Variants in TLE5 observed in about 807,000 individuals in gnomAD.
The protein encoded by TLE5 is TLE family member 5, transcriptional modulator.
Under a neutral mutation model 25.8 loss-of-function variants are expected in TLE5, and 7 were observed. The observed-to-expected ratio is 0.27, with a 90% CI of 0.15 to 0.51. The LOEUF (loss-of-function observed/expected upper bound fraction) is 0.51. Among genes scored for constraint, TLE5 ranks in the 20% least tolerant of loss-of-function variants. The probability of loss-of-function intolerance (pLI) is 0.97; values close to 1 mark genes in which losing one functional copy is unlikely to be tolerated. For synonymous variants in TLE5, 132 were observed against 110.5 expected (o/e 1.20, Z -1.22); for missense variants, 149 against 250.7 (o/e 0.59, Z 2.74).
At chr19:3,061,290 G>A (rs998687012) in intron 1 of TLE5, 33 bp from the exon 2 acceptor site, 2 of 1,549,720 alleles carry the variant, frequency 1.3e-6, no homozygotes, top group Non-Finnish European at 1.8e-6. Flanking sequence ...GTCAGGCCCA[G>A]GCGTGGGCTG....
intron 4 of TLE5, 54 bp downstream of exon 4, chr19:3,056,258 G>C: frequency 7.7e-7 from 1 of 1,302,162 alleles, no homozygotes; most frequent in South Asian, 1.4e-5. Context: ...GCTGGAGGTG[G>C]GGGGAGGAGG....
intron 6 of TLE5, 22 bp downstream of exon 6, chr19:3,054,098 C>CCCCCCCCG: frequency 6.7e-7 from 1 of 1,493,968 alleles, no homozygotes; most frequent in Non-Finnish European, 9.1e-7. Context: ...CCCCGCCCAC[C>CCCCCCCCG]CGCCCAGGTC....
At chr19:3,057,588 G>C in intron 3 of TLE5, 91 bp downstream of exon 3, 1 of 1,288,260 alleles carries the variant, frequency 7.8e-7, no homozygotes, top group Non-Finnish European at 1.1e-6. Context: ...GAGGTGGCCG[G>C]GGTTGAGGGA....
chr19:3,062,950 C>T, upstream of TLE5: 1 of 821,072 alleles, frequency 1.2e-6, no homozygotes, highest in South Asian at 1.6e-5. Flanking sequence ...TACTGTGTGC[C>T]AGGCCCCGCT....
chr19:3,054,128 T>TA lies in TLE5; in HGVS notation c.363dup (p.Ile122TyrfsTer65). The TA allele has an allele frequency of 6.8e-7, 1 of 1,468,342 alleles. No homozygotes were observed. Among genetic ancestry groups the TA allele is most frequent in the Non-Finnish European group, 9.2e-7 (1 of 1,087,006 alleles). 91.0% of individuals were successfully genotyped at this position (1,468,342 alleles called of 1,614,324 possible). ...CAGGTCCCCATACATACTCGGATGA[T>TA]AGAGTTCAGCTCGGGAGCGGTGACC... On this transcript the variant is annotated frameshift_variant, in exon 6 of 7. Coordinates refer to ENST00000327141, the MANE Select transcript of TLE5 (RefSeq NM_001130.6). LOFTEE classifies it low-confidence loss of function (END_TRUNC).
At chr19:3,061,884 G>GT (rs1205662503) in intron 1 of TLE5, among the ~76,000 whole-genome samples, 2 of 33,392 alleles carry the variant, frequency 6.0e-5, no homozygotes, top group African/African-American at 1.9e-4. Flanking sequence ...GTCCCGGCGG[G>GT]TTGGGGGGGG....
Position 3,062,486 on chromosome 19 carries a change from C to T in TLE5, c.-286G>A. On this transcript the variant is annotated 5_prime_UTR_variant, in exon 1 of 7. Transcript: ENST00000327141. Reference sequence around the variant, plus strand: ...CACCGCTATTGTCTAATGGCGGCGACGCCGGCAGTGGCCGCGGCTCGGCTG... The same window carrying T: ...CACCGCTATTGTCTAATGGCGGCGATGCCGGCAGTGGCCGCGGCTCGGCTG... 1 of 630,210 alleles carries T rather than the reference C, an allele frequency of 1.6e-6. No homozygotes were observed. Among genetic ancestry groups the T allele is most frequent in the Non-Finnish European group, 2.0e-6 (1 of 508,394 alleles). 39.0% of individuals were successfully genotyped at this position (630,210 alleles called of 1,614,324 possible). A position where few individuals can be genotyped will look rare whatever the true frequency, so the allele number is the denominator to read the frequency against.
At position 3,061,725 on chromosome 19, in the gene TLE5, C is replaced by T. The variant is rs534867117; in HGVS notation, c.27+449G>A. Among the ~76,000 whole-genome samples, 16 of 151,252 alleles carry T rather than the reference C, an allele frequency of 1.1e-4. No homozygotes were observed. In the East Asian group the frequency reaches 3.2e-3, roughly 30 times the overall value. On this transcript the variant is annotated intron_variant, in intron 1 of 6. Coordinates refer to ENST00000327141, the MANE Select transcript of TLE5 (RefSeq NM_001130.6). ...GGGCCCAACCCCAGATTCCCAGCGC[C>T]CTTCCTCGGGGACACGCTCTTCCGG...
Position 3,057,706 on chromosome 19 carries a change from C to T in TLE5, c.162G>A (p.Lys54=), listed in dbSNP as rs1312988035. ...KLECDKLASE[K]SEMQRHYVMY... The stretch of plus-strand genomic sequence containing the variant: ...TCACATAGTGACGCTGCATCTCTGA[C>T]TTCTCACTGGCCAACTTGTCACATT... The change falls in exon 3 of 7, where the codon AAG becomes AAA. Residue 54 remains lysine (K), a synonymous_variant. Coordinates refer to ENST00000327141, the MANE Select transcript of TLE5 (RefSeq NM_001130.6). The T allele has an allele frequency of 1.2e-6, 2 of 1,613,576 alleles. No homozygotes were observed.
At position 3,055,845 on chromosome 19, in the gene TLE5, A is replaced by G. The variant is rs369522981; in HGVS notation, c.235-119T>C. ...CCACTTGCGGCTTCTAAGAGGGGCT[A>G]GGTCTGGCCAGGGTGGGATGAGCAA... is the stretch of plus-strand genomic sequence containing the variant. On this transcript the variant is annotated intron_variant, in intron 4 of 6. Transcript: ENST00000327141. The G allele has an allele frequency of 9.0e-5, 101 of 1,124,546 alleles. No homozygotes were observed. The Middle Eastern group carries it at 1.1e-3, about 12-fold the overall frequency. The allele number at this position is 1,124,546 out of a possible 1,614,324, so 69.7% of individuals were successfully genotyped here.
chr19:3,062,341 G>T lies in TLE5; in HGVS notation c.-141C>A. ...GCCGCCGCCTCCCGCGCCCGGCCTC[G>T]CCCGCTTCCTGCGCCCCCTCCCCGC... On this transcript the variant is annotated 5_prime_UTR_variant, in exon 1 of 7. Transcript: ENST00000327141. 1 of 975,390 alleles carries T rather than the reference G, an allele frequency of 1.0e-6. No homozygotes were observed. The highest frequency in any genetic ancestry group is 1.2e-6 in the Non-Finnish European group (1 of 825,416). The allele number at this position is 975,390 out of a possible 1,614,324, so 60.4% of individuals were successfully genotyped here.
intron 3 of TLE5, 134 bp downstream of exon 3, chr19:3,057,545 G>A: frequency 1.2e-6 from 1 of 834,776 alleles, no homozygotes; most frequent in East Asian, 2.6e-5. Context: ...CGGCTGAATG[G>A]AGAACAGGCC....
chr19:3,054,470 G>A (rs1053291976), intron 5 of TLE5: 1 of 555,954 alleles, frequency 1.8e-6, no homozygotes, highest in Non-Finnish European at 3.2e-6. Context: ...AACAGCTTTT[G>A]AGTGAGCCCG....
chr19:3,062,624 G>A, upstream of TLE5: 1 of 1,153,916 alleles, frequency 8.7e-7, no homozygotes, highest in Non-Finnish European at 1.1e-6. Flanking sequence ...CCGCCTCCCC[G>A]TGGCCCGCCC....
Position 3,056,362 on chromosome 19 carries a change from TGGGGGAGAGAGA to T in TLE5, c.190-18_190-7del. ...CCGTAGGACATCTCGTAGTACTGTA[TGGGGGAGAGAGA>T]GGGGGAGCGGGAGATGGGGGTGGGG... On this transcript the variant is annotated splice_region_variant and splice_polypyrimidine_tract_variant and intron_variant, in intron 3 of 6. Coordinates refer to ENST00000327141, the MANE Select transcript of TLE5 (RefSeq NM_001130.6). 9.9e-7 allele frequency: 1 copy of T among 1,013,496 alleles called. No homozygotes were observed. Among genetic ancestry groups the T allele is most frequent in the Non-Finnish European group, 1.3e-6 (1 of 774,804 alleles). The allele number at this position is 1,013,496 out of a possible 1,614,324, so 62.8% of individuals were successfully genotyped here.
At chr19:3,057,273 GCTT>G (rs1394750901) in intron 3 of TLE5, among the ~76,000 whole-genome samples, 1 of 152,234 alleles carries the variant, frequency 6.6e-6, no homozygotes, top group Non-Finnish European at 1.5e-5. Flanking sequence ...CCTCCCACAG[GCTT>G]CTTCTTTGAG....
upstream of TLE5, chr19:3,062,694 T>C: frequency 6.7e-7 from 1 of 1,496,650 alleles, no homozygotes; most frequent in Non-Finnish European, 8.9e-7. Context: ...CGCCACCCTC[T>C]CCTACCCGGC....
intron 4 of TLE5, 71 bp from the exon 5 acceptor site, chr19:3,055,797 GCGCGGGGCC>G: frequency 6.7e-7 from 1 of 1,495,170 alleles, no homozygotes; most frequent in Non-Finnish European, 9.0e-7. Context: ...CAGGAGGCCT[GCGCGGGGCC>G]CGGCCCAGCC....
chr19:3,059,120 C>T (rs535656036), intron 2 of TLE5, among the ~76,000 whole-genome samples: 74 of 152,280 alleles, frequency 4.9e-4, no homozygotes, highest in African/African-American at 1.6e-3. Flanking sequence ...TTTGCTCCAC[C>T]GGAGAAGAGT....
Sources: allele counts gnomAD v4.1 joint callset (sites outside exome capture counted in the v4.1 genomes callset), GRCh38; gene constraint gnomAD v4.1.1; transcripts MANE v1.5; gene names NCBI Gene and HGNC (gene_info 2026-07-23, HGNC 2026-07-21).